The following SH3TC1 variants were observed in gnomAD, a reference collection of about 807,000 sequenced individuals.
SH3TC1 encodes the protein SH3 domain and tetratricopeptide repeats 1.
SH3TC1 carries 135 observed loss-of-function variants against 117.3 expected under a neutral mutation model. That is an observed-to-expected ratio of 1.15 (90% CI 1.00 to 1.33). SH3TC1 has a LOEUF of 1.33. Ranked by LOEUF, SH3TC1 falls within the 40% of genes most tolerant of loss-of-function variation. The pLI, the probability that SH3TC1 is intolerant of heterozygous loss-of-function variation, is 0.00. For missense variants in SH3TC1, 2,092 were observed against 1,794.3 expected, an observed-to-expected ratio of 1.17 and a Z score of -3.00; for synonymous variants, 898 against 816.9, an observed-to-expected ratio of 1.10 and a Z score of -1.69.
chr4:8,234,542 C>T (rs1185431777), intron 14 of SH3TC1, among the ~76,000 whole-genome samples: 2 of 151,518 alleles, frequency 1.3e-5, no homozygotes, highest in African/African-American at 2.4e-5. Flanking sequence ...CATCCATCCA[C>T]CCACCTATAC....
chr4:8,185,673 C>T (rs1717199431), intron 1 of SH3TC1, among the ~76,000 whole-genome samples: 1 of 152,258 alleles, frequency 6.6e-6, no homozygotes, highest in South Asian at 2.1e-4. Context: ...TTCTGTATCA[C>T]AGCTGCTGGC....
chr4:8,214,555 G>A lies in SH3TC1; in HGVS notation c.456G>A (p.Trp152Ter). ...VVTFKTFEEI[W>*]KFSTYHALGF... Reference sequence around the variant, plus strand: ...CGTTTAAGACTTTTGAAGAAATCTGGAAGTTTTCCACCTACCATGCTCTCG... The same window carrying A: ...CGTTTAAGACTTTTGAAGAAATCTGAAAGTTTTCCACCTACCATGCTCTCG... The change falls in exon 5 of 18, where the codon TGG becomes TGA. Residue 152 changes from tryptophan to a stop codon, truncating the protein, a stop_gained. Transcript: ENST00000245105. LOFTEE classifies it high-confidence loss of function. 6.2e-7 allele frequency: 1 copy of A among 1,613,940 alleles called. No individual in the cohort carries two copies. The highest frequency in any genetic ancestry group is 1.1e-5 in the South Asian group (1 of 91,062).
At chr4:8,188,492 T>G (rs1078701) in intron 1 of SH3TC1, among the ~76,000 whole-genome samples, 147,126 of 152,322 alleles carry the variant, frequency 0.97, 71,180 homozygotes, top group East Asian at 1. Flanking sequence ...CTCCCCAAGG[T>G]GCTTCAAACC....
rs1288171061 is a variant in SH3TC1 at position 8,233,410 on chromosome 4, T to A, written c.3179T>A (p.Phe1060Tyr). 3 of 1,613,780 alleles carry A rather than the reference T, an allele frequency of 1.9e-6. No homozygotes were observed. The highest frequency in any genetic ancestry group is 2.5e-6 in the Non-Finnish European group (3 of 1,179,910). The change falls in exon 14 of 18, where the codon TTC becomes TAC. Residue 1060 changes from phenylalanine (F) to tyrosine (Y), a missense_variant. Physicochemically the swap from Phe to Tyr is conservative, Grantham distance 22 (BLOSUM62 3). Coordinates refer to ENST00000245105, the MANE Select transcript of SH3TC1 (RefSeq NM_018986.5). Reference sequence around the variant, plus strand: ...TACACCAAACGAAGTCTGGGGATTTTCATTGACCTCCAGAAGAAAGAGAAG... The same window carrying A: ...TACACCAAACGAAGTCTGGGGATTTACATTGACCTCCAGAAGAAAGAGAAG... ...LDYTKRSLGI[F>Y]IDLQKKEKEA... is the part of the protein sequence containing the mutation.
In SH3TC1 at chr4:8,212,819, C is replaced by T. The variant is rs766610685; in HGVS notation, c.366C>T (p.Arg122=). The change falls in exon 4 of 18, where the codon CGC becomes CGT. Residue 122 remains arginine, a synonymous_variant. Transcript: ENST00000245105. The part of the protein sequence containing the change: ...LLENDSREMA[R]VLGELSARLL... ...AGAATGATAGCCGGGAGATGGCCCGCGTGCTTGGGGTGAGTAGCCCTCTGG... is the reference window on the plus strand; with the variant it reads ...AGAATGATAGCCGGGAGATGGCCCGTGTGCTTGGGGTGAGTAGCCCTCTGG... The T allele has an allele frequency of 2.3e-5, 36 of 1,583,590 alleles. No homozygotes were observed. The highest frequency in any genetic ancestry group is 4.0e-5 in the African/African-American group (3 of 74,480).
chr4:8,225,096 A>G lies in SH3TC1; in HGVS notation c.1244-79A>G. ...CCCAGCAATGCTCTCACCCTGCAAC[A>G]TCGACACTAGCTCAACCTGGCAGGG... On this transcript the variant is annotated intron_variant, in intron 10 of 17. Coordinates refer to ENST00000245105, the MANE Select transcript of SH3TC1 (RefSeq NM_018986.5). The surrounding 1 kb of genome is among the most constrained non-coding windows in gnomAD (Gnocchi z 5.5). The G allele has an allele frequency of 1.3e-6, 2 of 1,555,872 alleles. No homozygotes were observed. The highest frequency in any genetic ancestry group is 1.8e-6 in the Non-Finnish European group (2 of 1,134,346).
Position 8,232,166 on chromosome 4 carries a change from G to C in SH3TC1, c.3131+10G>C. 7.7e-7 allele frequency: 1 copy of C among 1,297,624 alleles called. No homozygotes were observed. The highest frequency in any genetic ancestry group is 1.0e-6 in the Non-Finnish European group (1 of 987,728). 80.4% of individuals were successfully genotyped at this position (1,297,624 alleles called of 1,614,324 possible). A position where few individuals can be genotyped will look rare whatever the true frequency, so the allele number is the denominator to read the frequency against. On this transcript the variant is annotated intron_variant, in intron 13 of 17. Coordinates refer to ENST00000245105, the MANE Select transcript of SH3TC1 (RefSeq NM_018986.5). The stretch of plus-strand genomic sequence containing the variant: ...CCCTGGGCACCGAGCGGTGAGGGCT[G>C]GCTCTGTGGTGGTGGGGGCGGGGGG...
At chr4:8,187,878 C>G (rs1717279166) in intron 1 of SH3TC1, among the ~76,000 whole-genome samples, 1 of 152,126 alleles carries the variant, frequency 6.6e-6, no homozygotes, top group Non-Finnish European at 1.5e-5. Context: ...ATGGGATTGA[C>G]ATTACCACTG....
upstream of SH3TC1, among the ~76,000 whole-genome samples, chr4:8,194,808 G>T (rs1180785490): frequency 6.6e-6 from 1 of 152,150 alleles, no homozygotes; most frequent in African/African-American, 2.4e-5. Context: ...TGGGTGTTAG[G>T]TTCCCTGGAA....
At chr4:8,228,727 G>T in intron 12 of SH3TC1, 83 bp downstream of exon 12, 2 of 1,217,068 alleles carry the variant, frequency 1.6e-6, no homozygotes, top group Non-Finnish European at 2.2e-6. Flanking sequence ...AGACACAAGC[G>T]GTGGTTTTTC....
rs572790969 is a variant in SH3TC1 at position 8,225,770 on chromosome 4, G to A, written c.1285+554G>A. Among the ~76,000 whole-genome samples, 72 of 152,286 alleles carry A rather than the reference G, an allele frequency of 4.7e-4. No individual in the cohort carries two copies. Among genetic ancestry groups the A allele is most frequent in the East Asian group, 1.9e-4 (1 of 5,178 alleles). ...GGATGTGGACACCCCAAGAGCCCTC[G>A]GAAGTTCCCTGGGAATGGGATCCAT... On this transcript the variant is annotated intron_variant, in intron 11 of 17. Coordinates refer to ENST00000245105, the MANE Select transcript of SH3TC1 (RefSeq NM_018986.5). This position sits in a 1 kb window ranked among gnomAD's most constrained non-coding sequence, Gnocchi z 5.5.
chr4:8,223,401 G>C (rs1720131655), intron 10 of SH3TC1, among the ~76,000 whole-genome samples: 1 of 152,210 alleles, frequency 6.6e-6, no homozygotes, highest in African/African-American at 2.4e-5. Flanking sequence ...GGTGTGGCCT[G>C]GTCACCTGGC....
chr4:8,236,841 TA>T (rs1285624391), intron 16 of SH3TC1: 1 of 175,060 alleles, frequency 5.7e-6, no homozygotes, highest in Non-Finnish European at 1.2e-5. Context: ...GCCTGCCCCT[TA>T]ATGCCGGGCA....
At chr4:8,226,173 A>G (rs1167082052) in intron 11 of SH3TC1, among the ~76,000 whole-genome samples, 1 of 152,170 alleles carries the variant, frequency 6.6e-6, no homozygotes, top group Non-Finnish European at 1.5e-5. Flanking sequence ...CCTTCCCAGT[A>G]ATGTCTCCTT....
chr4:8,189,872 G>A (rs1319286452), intron 1 of SH3TC1, among the ~76,000 whole-genome samples: 2 of 152,192 alleles, frequency 1.3e-5, no homozygotes, highest in African/African-American at 4.8e-5. Flanking sequence ...GACCTTTAGG[G>A]AGGAGGAGGC....
intron 15 of SH3TC1, chr4:8,235,887 AGGCCCAGGGCCAG>A (rs1721765138): frequency 5.5e-6 from 2 of 363,262 alleles, no homozygotes; most frequent in Non-Finnish European, 1.0e-5. Flanking sequence ...TGCCAGTGGG[AGGCCCAGGGCCAG>A]GGCCCAGGTC....
chr4:8,226,957 C>A, intron 11 of SH3TC1, 23 bp from the exon 12 acceptor site: 1 of 1,514,422 alleles, frequency 6.6e-7, no homozygotes. Context: ...TCTAATCTGT[C>A]TAGGTGTTTT....
chr4:8,226,211 C>T (rs1319418800), intron 11 of SH3TC1, among the ~76,000 whole-genome samples: 3 of 152,206 alleles, frequency 2.0e-5, no homozygotes, highest in African/African-American at 4.8e-5. Flanking sequence ...ACAGGAAATG[C>T]GCTTGTTTGC....
At position 8,228,649 on chromosome 4, in the gene SH3TC1, G is replaced by C. The variant is rs973378569; in HGVS notation, c.2950+5G>C. On this transcript the variant is annotated splice_donor_5th_base_variant and intron_variant, in intron 12 of 17. Transcript: ENST00000245105. ...TGGAGATGGGCCACGTGGAGAGTGA[G>C]TGCCCCAGTTCCTTCTGTGTGCCTT... 1 of 1,481,876 alleles carries C rather than the reference G, an allele frequency of 6.7e-7. No homozygotes were observed. Among genetic ancestry groups the C allele is most frequent in the East Asian group, 2.4e-5 (1 of 41,732 alleles). 91.8% of individuals were successfully genotyped at this position (1,481,876 alleles called of 1,614,324 possible).
Sources: allele counts gnomAD v4.1 joint callset (sites outside exome capture counted in the v4.1 genomes callset), GRCh38; gene constraint gnomAD v4.1.1; non-coding constraint Gnocchi (gnomAD v3.1); transcripts MANE v1.5; gene names NCBI Gene and HGNC (gene_info 2026-07-23, HGNC 2026-07-21).